CYLD: variants seen among roughly 807,000 people sequenced by gnomAD.
CYLD encodes the protein ubiquitin carboxyl-terminal hydrolase CYLD.
CYLD carries 26 observed loss-of-function variants against 104.5 expected under a neutral mutation model. That is an observed-to-expected ratio of 0.25 (90% CI 0.18 to 0.35). The LOEUF is 0.35. CYLD is among the 10% of genes least tolerant of loss of function. CYLD has a pLI of 1.00. For synonymous variants in CYLD, 385 were observed against 399.9 expected, an observed-to-expected ratio of 0.96 and a Z score of 0.45; for missense variants, 703 against 1,136.1, an observed-to-expected ratio of 0.62 and a Z score of 5.48.
intron 12 of CYLD, chr16:50,785,482 T>C (rs1033008878): frequency 1.3e-5 from 2 of 152,232 alleles, no homozygotes; most frequent in African/African-American, 4.8e-5. Flanking sequence ...TAATTGTGAA[T>C]CTTGATTTTC....
intron 5 of CYLD, among the ~76,000 whole-genome samples, chr16:50,761,740 A>ATC (rs1390845029): frequency 1.3e-5 from 2 of 150,192 alleles, no homozygotes; most frequent in South Asian, 2.1e-4. Flanking sequence ...TTTAGTACAT[A>ATC]TCTCTATATC....
chr16:50,792,130 A>C (rs1412063724), intron 15 of CYLD, among the ~76,000 whole-genome samples: 3 of 152,140 alleles, frequency 2.0e-5, no homozygotes, highest in Non-Finnish European at 4.4e-5. Flanking sequence ...TTGTCCAAGA[A>C]TCTCAGTAAT....
intron 5 of CYLD, among the ~76,000 whole-genome samples, chr16:50,756,218 A>G (rs1337758818): frequency 3.3e-5 from 5 of 152,174 alleles, no homozygotes; most frequent in Non-Finnish European, 2.9e-5. Flanking sequence ...TCACTTTTTC[A>G]TCACCTGTCC....
intron 5 of CYLD, among the ~76,000 whole-genome samples, chr16:50,765,865 G>A (rs1968454262): frequency 6.6e-6 from 1 of 152,086 alleles, no homozygotes; most frequent in African/African-American, 2.4e-5. Flanking sequence ...GGCTGAGAGA[G>A]GTAAGAAAGC....
Position 50,793,898 on chromosome 16 carries a change from T to C in CYLD, c.2469+234T>C, listed in dbSNP as rs7194167. On this transcript the variant is annotated intron_variant, in intron 17 of 18. Coordinates refer to ENST00000427738, the MANE Select transcript of CYLD (RefSeq NM_001378743.1). The stretch of plus-strand genomic sequence containing the variant: ...TAAGGAAGCCCATTCACTTGACACA[T>C]TGAGTTTCTCTCATTAATGACATTT... Among the ~76,000 whole-genome samples, 2,055 of 151,992 alleles carry C rather than the reference T, an allele frequency of 0.014. 19 individuals carry two copies. Among genetic ancestry groups the C allele is most frequent in the Middle Eastern group, 0.031 (9 of 294 alleles).
intron 5 of CYLD, 163 bp downstream of exon 5, chr16:50,754,587 A>G: frequency 1.6e-6 from 1 of 608,998 alleles, no homozygotes. Context: ...CCCGAGAAGT[A>G]TACTCCGTAC....
chr16:50,744,086 C>G (rs1311422252), intron 2 of CYLD, among the ~76,000 whole-genome samples: 1 of 152,124 alleles, frequency 6.6e-6, no homozygotes, highest in African/African-American at 2.4e-5. Flanking sequence ...AAATGAAGGA[C>G]TTGGGGAATT....
intron 3 of CYLD, among the ~76,000 whole-genome samples, chr16:50,751,093 G>A (rs1057275793): frequency 1.3e-5 from 2 of 152,112 alleles, no homozygotes; most frequent in African/African-American, 4.8e-5. Flanking sequence ...AAACAATTAG[G>A]AATTTGAATC....
At position 50,776,164 on chromosome 16, in the gene CYLD, T is replaced by C; in HGVS notation, c.923-15T>C. ...AATTTGCCTTTATCTTTAAAAAACA[T>C]GCTTACTGTTTCAGAGAGTGTGACG... On this transcript the variant is annotated splice_polypyrimidine_tract_variant and intron_variant, in intron 6 of 18. Transcript: ENST00000427738. 3 of 1,576,666 alleles carry C rather than the reference T, an allele frequency of 1.9e-6. No individual in the cohort carries two copies. Among genetic ancestry groups the C allele is most frequent in the South Asian group, 1.1e-5 (1 of 90,334 alleles).
In CYLD at chr16:50,775,158, A is replaced by G. The variant is rs1014260172; in HGVS notation, c.914-8A>G. ...ACTGTGGGTGATATCGTTTTTGCTGACACACAGCTTTATCAGGTATGACTC... is the reference window on the plus strand; with the variant it reads ...ACTGTGGGTGATATCGTTTTTGCTGGCACACAGCTTTATCAGGTATGACTC... On this transcript the variant is annotated splice_region_variant and splice_polypyrimidine_tract_variant and intron_variant, in intron 5 of 18. Coordinates refer to ENST00000427738, the MANE Select transcript of CYLD (RefSeq NM_001378743.1). The G allele has an allele frequency of 6.3e-7, 1 of 1,597,128 alleles. No individual in the cohort carries two copies. The highest frequency in any genetic ancestry group is 1.3e-5 in the African/African-American group (1 of 74,942).
rs774619940 is a variant in CYLD at position 50,796,318 on chromosome 16, C to T, written c.2687-6C>T. On this transcript the variant is annotated splice_region_variant and splice_polypyrimidine_tract_variant and intron_variant, in intron 18 of 18. Transcript: ENST00000427738. The stretch of plus-strand genomic sequence containing the variant: ...CCCTATAAAGAGTTCTTCCTCTGTG[C>T]CATAGGTGGTCAGAATGGCTTCAAC... 2 of 1,613,918 alleles carry T rather than the reference C, an allele frequency of 1.2e-6. No homozygotes were observed. The highest frequency in any genetic ancestry group is 1.7e-6 in the Non-Finnish European group (2 of 1,179,892).
chr16:50,782,541 T>TGTGC, intron 11 of CYLD, 75 bp downstream of exon 11: 3 of 1,415,664 alleles, frequency 2.1e-6, no homozygotes, highest in Non-Finnish European at 3.0e-6. Flanking sequence ...TGTGTGTGTG[T>TGTGC]GCGTGTGAGT....
intron 12 of CYLD, chr16:50,785,676 A>G (rs904234226): frequency 6.6e-6 from 1 of 152,210 alleles, no homozygotes; most frequent in African/African-American, 2.4e-5. Flanking sequence ...ATCATAGTTA[A>G]TCACACTTTC....
At position 50,750,029 on chromosome 16, in the gene CYLD, A is replaced by T; in HGVS notation, c.331A>T (p.Ser111Cys). The T allele has an allele frequency of 6.2e-7, 1 of 1,614,188 alleles. No homozygotes were observed. Among genetic ancestry groups the T allele is most frequent in the East Asian group, 2.2e-5 (1 of 44,882 alleles). Residue 111 changes from serine to cysteine, a missense_variant, in exon 3 of 19, where the codon AGC becomes TGC. Physicochemically the swap from Ser to Cys is moderately radical, Grantham distance 112 (BLOSUM62 -1). Around this residue, in one of 5 missense-constraint regions of CYLD, gnomAD observed 142 missense variants for 165.1 expected, o/e 0.86. Transcript: ENST00000427738. Reference protein sequence around the residue: ...LAITNCEERFSLFKNRNRLSK... With the variant: ...LAITNCEERFCLFKNRNRLSK... ...AATTACCAATTGTGAGGAGAGGTTCAGCCTGTTTAAAAACAGAAACAGACT... is the reference window on the plus strand; with the variant it reads ...AATTACCAATTGTGAGGAGAGGTTCTGCCTGTTTAAAAACAGAAACAGACT...
intron 11 of CYLD, 25 bp from the exon 12 acceptor site, chr16:50,784,304 G>T (rs752874947): frequency 6.2e-6 from 10 of 1,611,406 alleles, no homozygotes; most frequent in Non-Finnish European, 7.6e-6. Context: ...ACAGCATGAA[G>T]AAAATTATCC....
chr16:50,786,755 C>G (rs1448925989), intron 12 of CYLD, 100 bp from the exon 13 acceptor site: 8 of 881,456 alleles, frequency 9.1e-6, no homozygotes, highest in Non-Finnish European at 1.4e-5. Flanking sequence ...GAGTGAGACT[C>G]TATCTCAAAA....
chr16:50,762,944 A>C (rs1241837583), intron 5 of CYLD, among the ~76,000 whole-genome samples: 1 of 152,220 alleles, frequency 6.6e-6, no homozygotes, highest in Non-Finnish European at 1.5e-5. Flanking sequence ...ATTTACAGAC[A>C]TGTGCAATTG....
At chr16:50,768,655 T>C (rs1597023186) in intron 5 of CYLD, among the ~76,000 whole-genome samples, 1 of 152,326 alleles carries the variant, frequency 6.6e-6, no homozygotes, top group African/African-American at 2.4e-5. Context: ...AATTTGACAT[T>C]ATGTTCATGT....
At position 50,794,522 on chromosome 16, in the gene CYLD, C is replaced by A. The variant is rs752229793; in HGVS notation, c.2686+94C>A. On this transcript the variant is annotated intron_variant, in intron 18 of 18. Coordinates refer to ENST00000427738, the MANE Select transcript of CYLD (RefSeq NM_001378743.1). The surrounding 1 kb of genome is among the most constrained non-coding windows in gnomAD (Gnocchi z 4.1). The stretch of plus-strand genomic sequence containing the variant: ...GATCGCCTGTTCTGAGTGATATTTT[C>A]TGAGAAAATCCTTTCAGGATTATTC... The A allele has an allele frequency of 5.6e-5, 67 of 1,192,510 alleles. No homozygotes were observed. The highest frequency in any genetic ancestry group is 1.4e-5 in the Non-Finnish European group (11 of 802,330). 73.9% of individuals were successfully genotyped at this position (1,192,510 alleles called of 1,614,324 possible). A position where few individuals can be genotyped will look rare whatever the true frequency, so the allele number is the denominator to read the frequency against.
Sources: gnomAD v4.1 joint callset for allele counts (sites outside exome capture counted in the v4.1 genomes callset) on GRCh38, gnomAD v4.1.1 for gene constraint, gnomAD v4.1.1 regional missense constraint, Gnocchi (gnomAD v3.1) non-coding constraint, MANE v1.5 for transcripts, NCBI Gene and HGNC (gene_info 2026-07-23, HGNC 2026-07-21) for gene names.